The following NOX1 variants were observed in gnomAD, a reference collection of about 807,000 sequenced individuals.
NOX1 encodes the protein NADH/NADPH mitogenic oxidase subunit P65-MOX.
A neutral mutation model predicts 42.5 loss-of-function variants in NOX1; 34 were observed. The ratio of observed to expected loss-of-function variants is 0.80; its 90% CI spans 0.61 to 1.07. The LOEUF is 1.07. Ranked by LOEUF, NOX1 falls within the 50% of genes least tolerant of loss-of-function variation. The probability of loss-of-function intolerance (pLI) is 0.00; values close to 1 mark genes in which losing one functional copy is unlikely to be tolerated. For synonymous variants in NOX1, 143 were observed against 152.5 expected (o/e 0.94, Z 0.46); for missense variants, 408 against 427.0 (o/e 0.96, Z 0.39).
chrX:100,860,889 C>T (rs112002620), intron 7 of NOX1, among the ~76,000 whole-genome samples: 1,993 of 111,063 alleles, frequency 0.018, 27 homozygotes, highest in Middle Eastern at 0.032. Flanking sequence ...ACCCTCCACA[C>T]CACCATGCCC....
intron 2 of NOX1, among the ~76,000 whole-genome samples, chrX:100,864,293 G>T (rs746709743): frequency 6.2e-5 from 7 of 112,308 alleles, no homozygotes; most frequent in Non-Finnish European, 1.3e-4. Context: ...CCTGGCCAAG[G>T]ATCATATATA....
rs1364578504 is a variant in NOX1, at chrX:100,863,318, T to C, written c.253-75A>G. ...AATTCACTAACCCATAACCAATATG[T>C]CTTGCATATAGCATGCCAATACTCA... On this transcript the variant is annotated intron_variant, in intron 3 of 12. Coordinates refer to ENST00000372966, the MANE Select transcript of NOX1 (RefSeq NM_007052.5). The C allele has an allele frequency of 1.5e-5, 14 of 947,044 alleles. No homozygotes were observed. The East Asian group carries it at 4.0e-4, about 27-fold the overall frequency. 78.0% of individuals were successfully genotyped at this position (947,044 alleles called of 1,213,427 possible).
At chrX:100,850,092 T>C in intron 9 of NOX1, 59 bp downstream of exon 9, 1 of 1,046,423 alleles carries the variant, frequency 9.6e-7, no homozygotes. Flanking sequence ...GAAGAATTGC[T>C]TTCTCTTTTC....
Position 100,863,572 on chromosome X carries a change from C to A in NOX1, c.165G>T (p.Ala55=). ...TGTTAAAATTCAAGCAGAGAGCAGA[C>A]GCTCGGGCACAGGCCAATGTTGACT... is the stretch of plus-strand genomic sequence containing the variant. The part of the protein sequence containing the change: ...ILGSTLACAR[A]SALCLNFNST... The change falls in exon 3 of 13, where the codon GCG becomes GCT. Residue 55 remains alanine, a synonymous_variant. Coordinates refer to ENST00000372966, the MANE Select transcript of NOX1 (RefSeq NM_007052.5). The A allele has an allele frequency of 8.3e-7, 1 of 1,210,133 alleles. No homozygotes were observed. Among genetic ancestry groups the A allele is most frequent in the South Asian group, 1.8e-5 (1 of 56,678 alleles).
chrX:100,848,291 CT>C (rs376904747), intron 12 of NOX1, among the ~76,000 whole-genome samples: 4,285 of 104,921 alleles, frequency 0.041, 247 homozygotes, highest in African/African-American at 0.14. Context: ...CCGCACTCAT[CT>C]TTTTTTTTTT....
At chrX:100,857,189 T>C (rs1345235766) in intron 7 of NOX1, among the ~76,000 whole-genome samples, 1 of 112,214 alleles carries the variant, frequency 8.9e-6, no homozygotes, top group Non-Finnish European at 1.9e-5. Flanking sequence ...GCTCCATCCA[T>C]CTTGCTGCAA....
chrX:100,845,888 A>G (rs2085070050), intron 12 of NOX1, among the ~76,000 whole-genome samples: 1 of 105,779 alleles, frequency 9.5e-6, no homozygotes, highest in African/African-American at 3.5e-5. Context: ...GGTTCACGCC[A>G]CTCTCCTGCC....
chrX:100,855,638 G>A (rs959389340), intron 7 of NOX1: 28 of 1,027,213 alleles, frequency 2.7e-5, no homozygotes, highest in East Asian at 9.2e-5. Flanking sequence ...AACCAGGGCC[G>A]CCTCCTGGAT....
At chrX:100,868,455 A>G (rs966551970) in intron 2 of NOX1, among the ~76,000 whole-genome samples, 2 of 111,128 alleles carry the variant, frequency 1.8e-5, no homozygotes, top group African/African-American at 6.6e-5. Context: ...TGAGAGAACC[A>G]TCCTCAACTC....
chrX:100,849,763 G>A lies in NOX1; in HGVS notation c.1296+9C>T. The A allele has an allele frequency of 8.3e-7, 1 of 1,197,672 alleles. No individual in the cohort carries two copies. The highest frequency in any genetic ancestry group is 1.1e-6 in the Non-Finnish European group (1 of 888,099). ...CAGGCCAGAAGAAAAGTGATATACG[G>A]GATTATACCTTTTTTGTTTTGAGGT... On this transcript the variant is annotated intron_variant, in intron 10 of 12. Coordinates refer to ENST00000372966, the MANE Select transcript of NOX1 (RefSeq NM_007052.5).
At chrX:100,855,648 TA>T in intron 7 of NOX1, 1 of 1,019,837 alleles carries the variant, frequency 9.8e-7, no homozygotes, top group Non-Finnish European at 1.4e-6. Flanking sequence ...GCCTCCTGGA[TA>T]ACCACCATCA....
intron 7 of NOX1, among the ~76,000 whole-genome samples, chrX:100,857,610 T>C (rs766143071): frequency 8.9e-6 from 1 of 112,011 alleles, no homozygotes; most frequent in Non-Finnish European, 1.9e-5. Context: ...GGTTTGGATT[T>C]GCATTTCTCT....
intron 7 of NOX1, 92 bp from the exon 8 acceptor site, chrX:100,851,417 G>A (rs2085113806): frequency 2.4e-6 from 1 of 410,318 alleles, no homozygotes. Context: ...TCTTTACTGA[G>A]TTCTCCAATG....
At chrX:100,858,590 G>A (rs2085182998) in intron 7 of NOX1, among the ~76,000 whole-genome samples, 1 of 111,226 alleles carries the variant, frequency 9.0e-6, no homozygotes, top group African/African-American at 3.3e-5. Context: ...ATTTGTTTGT[G>A]TCATCTCTAA....
At chrX:100,872,302 C>T (rs760992749) in intron 1 of NOX1, among the ~76,000 whole-genome samples, 4 of 111,143 alleles carry the variant, frequency 3.6e-5, no homozygotes, top group Admixed American at 1.9e-4. Context: ...ATTTCTGGAT[C>T]GCAAAGAGAC....
chrX:100,843,618 A>G lies in NOX1; in HGVS notation c.*334T>C, dbSNP rs1388361908. 1.9e-6 allele frequency: 1 copy of G among 518,075 alleles called. No homozygotes were observed. Among genetic ancestry groups the G allele is most frequent in the African/African-American group, 2.5e-5 (1 of 40,229 alleles). The allele number at this position is 518,075 out of a possible 1,213,427, so 42.7% of individuals were successfully genotyped here. On this transcript the variant is annotated 3_prime_UTR_variant, in exon 13 of 13. Transcript: ENST00000372966. ...AGGAGATGGTAACACTGGAATTGATAAAATCACCTGGGATTAGTTGTATAA... is the reference window on the plus strand; with the variant it reads ...AGGAGATGGTAACACTGGAATTGATGAAATCACCTGGGATTAGTTGTATAA...
intron 7 of NOX1, among the ~76,000 whole-genome samples, chrX:100,858,428 T>C (rs532761722): frequency 8.9e-6 from 1 of 111,969 alleles, no homozygotes; most frequent in Middle Eastern, 4.6e-3. Flanking sequence ...TTTGGTTTCA[T>C]ATGAATTTTG....
intron 7 of NOX1, among the ~76,000 whole-genome samples, chrX:100,852,425 T>C (rs952727116): frequency 2.1e-4 from 24 of 112,237 alleles, no homozygotes; most frequent in Admixed American, 2.1e-3. Context: ...GTCGCGCCAC[T>C]GCATTCCAGC....
chrX:100,874,098 A>T lies in NOX1; in HGVS notation c.42T>A (p.Phe14Leu). ...WVVNHWFSVL[F>L]LVVWLGLNVF... Reference sequence around the variant, plus strand: ...TAGGAAGTCAAACATCACTTACCAGAAACAAAACTGAAAACCAGTGGTTAA... The same window carrying T: ...TAGGAAGTCAAACATCACTTACCAGTAACAAAACTGAAAACCAGTGGTTAA... The change falls in exon 1 of 13, where the codon TTT (phenylalanine) becomes TTA (leucine). Residue 14 changes from phenylalanine to leucine, a missense_variant. Coordinates refer to ENST00000372966, the MANE Select transcript of NOX1 (RefSeq NM_007052.5). 1 of 1,199,806 alleles carries T rather than the reference A, an allele frequency of 8.3e-7. No individual in the cohort carries two copies. Among genetic ancestry groups the T allele is most frequent in the Non-Finnish European group, 1.1e-6 (1 of 885,428 alleles).
Sources: gnomAD v4.1 joint callset for allele counts (sites outside exome capture counted in the v4.1 genomes callset) on GRCh38, gnomAD v4.1.1 for gene constraint, MANE v1.5 for transcripts, NCBI Gene and HGNC (gene_info 2026-07-23, HGNC 2026-07-21) for gene names.